The following NUP160 variants were observed in gnomAD, a reference collection of about 807,000 sequenced individuals.
NUP160 encodes nucleoporin 160, also known as nuclear pore complex protein Nup160.
Under a neutral mutation model 196.9 loss-of-function variants are expected in NUP160, and 94 were observed. The observed-to-expected ratio is 0.48, with a 90% CI of 0.40 to 0.57. The LOEUF is 0.57. Ranked by LOEUF, NUP160 falls within the 20% of genes least tolerant of loss-of-function variation. The pLI, the probability that NUP160 is intolerant of heterozygous loss-of-function variation, is 0.00. For missense variants in NUP160, 1,638 were observed against 1,748.3 expected, an observed-to-expected ratio of 0.94 and a Z score of 1.13; for synonymous variants, 605 against 619.7, an observed-to-expected ratio of 0.98 and a Z score of 0.35.
chr11:47,821,692 G>T, intron 9 of NUP160, 32 bp downstream of exon 9: 7 of 1,502,574 alleles, frequency 4.7e-6, no homozygotes, highest in Non-Finnish European at 6.5e-6. Flanking sequence ...TGCTTGGGGT[G>T]AGGTAGGATG....
intron 17 of NUP160, among the ~76,000 whole-genome samples, chr11:47,809,809 A>G (rs944930921): frequency 8.6e-5 from 13 of 151,790 alleles, no homozygotes; most frequent in Admixed American, 6.6e-4. Context: ...CAAAAAGAAA[A>G]ATGTTGAGAT....
At chr11:47,847,291 C>G (rs969571048) in intron 2 of NUP160, among the ~76,000 whole-genome samples, 1 of 152,116 alleles carries the variant, frequency 6.6e-6, no homozygotes, top group African/African-American at 2.4e-5. Context: ...TTCCTTAAAG[C>G]CTTTCCCTGC....
At chr11:47,816,781 GAAAA>G (rs11347850) in intron 11 of NUP160, among the ~76,000 whole-genome samples, 1 of 140,864 alleles carries the variant, frequency 7.1e-6, no homozygotes, top group Admixed American at 7.1e-5. Context: ...GCCTCAAAGG[GAAAA>G]AAAAAAAAAA....
At chr11:47,840,223 C>T (rs974471664) in intron 3 of NUP160, 155 bp downstream of exon 3, 3 of 830,842 alleles carry the variant, frequency 3.6e-6, no homozygotes, top group Middle Eastern at 2.2e-4. Flanking sequence ...AAAATGTATG[C>T]CTGATCATTT....
At chr11:47,815,905 A>C (rs775064235) in intron 12 of NUP160, 41 bp downstream of exon 12, 1 of 1,475,978 alleles carries the variant, frequency 6.8e-7, no homozygotes, top group Non-Finnish European at 9.5e-7. Flanking sequence ...CCCTATATCA[A>C]GATGGAAGGA....
chr11:47,798,277 T>A lies in NUP160; in HGVS notation c.2992-15A>T. On this transcript the variant is annotated splice_polypyrimidine_tract_variant and intron_variant, in intron 24 of 35. Transcript: ENST00000378460. ...CTTAGAGTAGCCTAAATATCAAATG[T>A]AGATCAAATATCAAAAAGAGCAATA... The A allele has an allele frequency of 1.9e-6, 3 of 1,575,728 alleles. No homozygotes were observed. Among genetic ancestry groups the A allele is most frequent in the Non-Finnish European group, 1.7e-6 (2 of 1,145,696 alleles).
At chr11:47,812,026 T>TTTTA (rs778852538) in intron 17 of NUP160, 38 bp downstream of exon 17, 34 of 1,607,454 alleles carry the variant, frequency 2.1e-5, no homozygotes, top group Non-Finnish European at 2.9e-5. Flanking sequence ...CTATAACAGG[T>TTTTA]TTTAGATTTT....
At chr11:47,793,844 G>A (rs2097669374) in intron 27 of NUP160, among the ~76,000 whole-genome samples, 2 of 142,978 alleles carry the variant, frequency 1.4e-5, no homozygotes, top group East Asian at 2.2e-4. Flanking sequence ...GGGTTCAAGC[G>A]ATTCTCCTGC....
intron 23 of NUP160, among the ~76,000 whole-genome samples, chr11:47,800,067 A>G (rs1157792250): frequency 6.6e-6 from 1 of 151,982 alleles, no homozygotes; most frequent in Non-Finnish European, 1.5e-5. Context: ...CAGCCTGGCC[A>G]ACATGGTGAA....
At chr11:47,785,116 G>C (rs2097663828) in intron 32 of NUP160, 53 bp from the exon 33 acceptor site, 1 of 552,400 alleles carries the variant, frequency 1.8e-6, no homozygotes, top group Admixed American at 3.7e-5. Flanking sequence ...TAGCTATTTA[G>C]AGTACCATTC....
chr11:47,782,209 G>A (rs991701581), intron 34 of NUP160, among the ~76,000 whole-genome samples: 6 of 150,064 alleles, frequency 4.0e-5, no homozygotes, highest in Non-Finnish European at 5.9e-5. Flanking sequence ...ACTTGAACCC[G>A]GGAGGCGGAG....
chr11:47,847,809 C>T (rs758600123), intron 2 of NUP160, 39 bp downstream of exon 2: 2 of 1,430,318 alleles, frequency 1.4e-6, no homozygotes, highest in South Asian at 1.1e-5. Context: ...TACACCAAAC[C>T]CTACCTTCCA....
At chr11:47,800,670 G>C (rs1367900925) in intron 23 of NUP160, among the ~76,000 whole-genome samples, 2 of 152,144 alleles carry the variant, frequency 1.3e-5, no homozygotes, top group Non-Finnish European at 2.9e-5. Flanking sequence ...GATTACAGGT[G>C]TGAGCCATCG....
exon 20 of NUP160, chr11:47,806,223 G>A (rs2097677530): frequency 6.2e-7 from 1 of 1,613,944 alleles, no homozygotes; most frequent in African/African-American, 1.3e-5. Flanking sequence ...TGGCTCAGAG[G>A]TGCCTTTGGC....
At chr11:47,825,573 C>T (rs757351657) in intron 7 of NUP160, among the ~76,000 whole-genome samples, 1 of 151,956 alleles carries the variant, frequency 6.6e-6, no homozygotes. Flanking sequence ...CTGCCTCAGC[C>T]TCGCGAGTAG....
intron 31 of NUP160, among the ~76,000 whole-genome samples, chr11:47,787,846 T>G (rs550005826): frequency 1.3e-5 from 2 of 152,088 alleles, no homozygotes; most frequent in African/African-American, 4.8e-5. Flanking sequence ...GCCTCCCGAG[T>G]AGCTGGGACT....
intron 4 of NUP160, among the ~76,000 whole-genome samples, chr11:47,839,017 GAAT>G (rs978478311): frequency 3.4e-4 from 24 of 71,116 alleles, no homozygotes; most frequent in African/African-American, 1.4e-3. Flanking sequence ...AAAAAAAAAA[GAAT>G]AAAAGAAAAG....
chr11:47,840,483 T>C, exon 3 of NUP160: 1 of 1,614,088 alleles, frequency 6.2e-7, no homozygotes, highest in Non-Finnish European at 8.5e-7. Context: ...CATAAACCCC[T>C]CCAGGTAAAA....
chr11:47,801,918 A>C, exon 23 of NUP160: 1 of 1,613,942 alleles, frequency 6.2e-7, no homozygotes, highest in East Asian at 2.2e-5. Context: ...GCCTGACAAA[A>C]ACATTCCAGA....
Sources: gnomAD v4.1 joint callset for allele counts (sites outside exome capture counted in the v4.1 genomes callset) on GRCh38, gnomAD v4.1.1 for gene constraint, MANE v1.5 for transcripts, NCBI Gene and HGNC (gene_info 2026-07-23, HGNC 2026-07-21) for gene names.